Variants in NRXN1 observed in about 807,000 individuals in gnomAD.
NRXN1 encodes the protein neurexin 1.
A neutral mutation model predicts 150.9 loss-of-function variants in NRXN1; 39 were observed. That is an observed-to-expected ratio of 0.26 (90% CI 0.20 to 0.34). The LOEUF (loss-of-function observed/expected upper bound fraction) is 0.34, where lower values mean the gene tolerates loss of function less well. NRXN1 is among the 10% of genes least tolerant of loss of function. The pLI is 1.00. For missense variants in NRXN1, 1,815 were observed against 1,949.9 expected (o/e 0.93, Z 1.30); for synonymous variants, 924 against 757.0 (o/e 1.22, Z -3.62).
At chr2:51,011,813 G>GT (rs1482494730) in intron 2 of NRXN1, among the ~76,000 whole-genome samples, 2 of 151,986 alleles carry the variant, frequency 1.3e-5, no homozygotes, top group African/African-American at 2.4e-5. Flanking sequence ...GATCACTCCA[G>GT]TAGTAGAGAC....
chr2:50,008,033 G>A (rs1294661302), intron 21 of NRXN1, among the ~76,000 whole-genome samples: 1 of 152,150 alleles, frequency 6.6e-6, no homozygotes, highest in Non-Finnish European at 1.5e-5. Context: ...TTAACAACAT[G>A]ATGACAAAAT....
At chr2:50,943,576 A>G (rs1311357129) in intron 2 of NRXN1, among the ~76,000 whole-genome samples, 3 of 152,154 alleles carry the variant, frequency 2.0e-5, no homozygotes, top group Admixed American at 2.0e-4. Context: ...AGCAAGACTA[A>G]TTCTCTATAT....
chr2:49,974,308 C>G (rs1222642319), intron 21 of NRXN1: 1 of 506,592 alleles, frequency 2.0e-6, no homozygotes, highest in Non-Finnish European at 3.8e-6. Flanking sequence ...GGTACACAGC[C>G]CAGCCCGGCA....
intron 18 of NRXN1, among the ~76,000 whole-genome samples, chr2:50,095,983 G>A (rs1000578867): frequency 1.6e-5 from 2 of 127,084 alleles, no homozygotes; most frequent in African/African-American, 3.1e-5. Context: ...TCCCCTTCCT[G>A]TGTCCAAGTG....
At chr2:50,255,651 C>G (rs2067626417) in intron 17 of NRXN1, among the ~76,000 whole-genome samples, 2 of 152,112 alleles carry the variant, frequency 1.3e-5, no homozygotes. Flanking sequence ...ATAGAACACT[C>G]AGAGGTGAAG....
At chr2:50,208,392 C>T (rs1471563021) in intron 18 of NRXN1, among the ~76,000 whole-genome samples, 1 of 152,102 alleles carries the variant, frequency 6.6e-6, no homozygotes, top group Admixed American at 6.6e-5. Context: ...ACTGACCAAG[C>T]AGGTATCAAA....
intron 15 of NRXN1, among the ~76,000 whole-genome samples, chr2:50,494,401 C>T (rs895330623): frequency 1.2e-4 from 18 of 152,158 alleles, no homozygotes; most frequent in Admixed American, 5.9e-4. Flanking sequence ...ACAATTACCA[C>T]CTGAGCCCAC....
intron 15 of NRXN1, among the ~76,000 whole-genome samples, chr2:50,474,379 G>A (rs1416741012): frequency 1.3e-5 from 2 of 151,766 alleles, no homozygotes; most frequent in African/African-American, 4.8e-5. Context: ...AGTCAAGCAG[G>A]AGATAAAGTT....
intron 21 of NRXN1, among the ~76,000 whole-genome samples, chr2:49,977,998 C>T (rs948395727): frequency 6.6e-6 from 1 of 151,990 alleles, no homozygotes; most frequent in Non-Finnish European, 1.5e-5. Context: ...CCTGTCTCTA[C>T]TAAAAACACA....
intron 17 of NRXN1, among the ~76,000 whole-genome samples, chr2:50,400,702 A>G (rs1294381694): frequency 6.6e-6 from 1 of 152,206 alleles, no homozygotes; most frequent in Non-Finnish European, 1.5e-5. Flanking sequence ...CTGTAAACTT[A>G]TCAAGAAAGT....
At chr2:50,567,755 G>A (rs990632461) in intron 8 of NRXN1, among the ~76,000 whole-genome samples, 5 of 152,080 alleles carry the variant, frequency 3.3e-5, no homozygotes, top group African/African-American at 9.7e-5. Context: ...ATTAAAATTA[G>A]AACTAGAATG....
At chr2:50,500,921 T>C (rs2091908645) in intron 13 of NRXN1, among the ~76,000 whole-genome samples, 1 of 152,194 alleles carries the variant, frequency 6.6e-6, no homozygotes. Context: ...GCCTTGGTAT[T>C]GGAGAAATAG....
chr2:50,665,556 T>C (rs372240514), intron 5 of NRXN1, among the ~76,000 whole-genome samples: 4 of 152,060 alleles, frequency 2.6e-5, no homozygotes, highest in Non-Finnish European at 4.4e-5. Flanking sequence ...TGCTCACCAC[T>C]TGAAGTCAGA....
chr2:50,131,702 G>A (rs17039932), intron 18 of NRXN1, among the ~76,000 whole-genome samples: 25,544 of 152,180 alleles, frequency 0.17, 2,638 homozygotes, highest in East Asian at 0.37. Flanking sequence ...AACGGCTGGA[G>A]AGGCTAAATG....
intron 8 of NRXN1, among the ~76,000 whole-genome samples, chr2:50,562,280 T>C (rs969480631): frequency 9.2e-5 from 14 of 152,056 alleles, no homozygotes; most frequent in African/African-American, 3.1e-4. Context: ...ATTTAGTATA[T>C]GTATATGCAT....
intron 17 of NRXN1, among the ~76,000 whole-genome samples, chr2:50,320,232 GATAA>G (rs1456155685): frequency 7.5e-6 from 1 of 133,912 alleles, no homozygotes; most frequent in Non-Finnish European, 1.6e-5. Context: ...TATTTTATCA[GATAA>G]ATAATCAATT....
intron 21 of NRXN1, among the ~76,000 whole-genome samples, chr2:50,039,649 C>T (rs542345349): frequency 6.6e-6 from 1 of 152,198 alleles, no homozygotes; most frequent in East Asian, 1.9e-4. Flanking sequence ...TGCTAAAGAA[C>T]AGAAGATACA....
intron 5 of NRXN1, among the ~76,000 whole-genome samples, chr2:50,737,856 G>C (rs1698957813): frequency 6.6e-6 from 1 of 151,730 alleles, no homozygotes; most frequent in Admixed American, 6.6e-5. Flanking sequence ...CAAGGCTCTT[G>C]TGTGGAAAAA....
intron 17 of NRXN1, chr2:50,312,605 G>A (rs1249198121): frequency 1.4e-5 from 6 of 419,514 alleles, no homozygotes; most frequent in African/African-American, 1.2e-4. Flanking sequence ...CTCTCTCCAG[G>A]CTCTCATCCT....
Sources: allele counts gnomAD v4.1 joint callset (sites outside exome capture counted in the v4.1 genomes callset), GRCh38; gene constraint gnomAD v4.1.1; transcripts MANE v1.5; gene names NCBI Gene and HGNC (gene_info 2026-07-23, HGNC 2026-07-21).